The following DOCK4 variants were observed in gnomAD, a reference collection of about 807,000 sequenced individuals.
The protein encoded by DOCK4 is dedicator of cytokinesis protein 4.
A neutral mutation model predicts 268.1 loss-of-function variants in DOCK4; 97 were observed. The ratio of observed to expected loss-of-function variants is 0.36; its 90% CI spans 0.31 to 0.43. The LOEUF (loss-of-function observed/expected upper bound fraction) is 0.43. Among genes scored for constraint, DOCK4 ranks in the 20% least tolerant of loss-of-function variants. The pLI, the probability that DOCK4 is intolerant of heterozygous loss-of-function variation, is 1.00. For synonymous variants in DOCK4, 954 were observed against 887.2 expected (o/e 1.08, Z -1.34); for missense variants, 2,145 against 2,455.7 (o/e 0.87, Z 2.67).
At chr7:111,971,984 C>A in intron 8 of DOCK4, 1 of 159,984 alleles carries the variant, frequency 6.3e-6, no homozygotes. Flanking sequence ...CCTTCTTCCT[C>A]TTGGCCTTCT....
chr7:112,055,774 G>T (rs1805758907), intron 1 of DOCK4, among the ~76,000 whole-genome samples: 1 of 151,878 alleles, frequency 6.6e-6, no homozygotes, highest in Admixed American at 6.6e-5. Flanking sequence ...CAGGTGTGGT[G>T]GTGGGCGCCT....
chr7:111,768,530 T>C (rs1176804323), intron 37 of DOCK4, among the ~76,000 whole-genome samples: 2 of 152,212 alleles, frequency 1.3e-5, no homozygotes, highest in East Asian at 1.9e-4. Flanking sequence ...GTCTAAGACA[T>C]GTACCACCAA....
intron 15 of DOCK4, among the ~76,000 whole-genome samples, chr7:111,897,940 C>T (rs1019135723): frequency 6.6e-6 from 1 of 152,130 alleles, no homozygotes; most frequent in Non-Finnish European, 1.5e-5. Flanking sequence ...CTTTCAGATC[C>T]AATCTGTTAA....
intron 16 of DOCK4, 25 bp downstream of exon 16, chr7:111,895,587 A>G: frequency 1.2e-6 from 2 of 1,602,534 alleles, no homozygotes; most frequent in Non-Finnish European, 1.7e-6. Context: ...TTTACTGCCC[A>G]TCGCCACCAT....
At chr7:111,847,444 C>G (rs1804198651) in intron 23 of DOCK4, among the ~76,000 whole-genome samples, 1 of 151,802 alleles carries the variant, frequency 6.6e-6, no homozygotes, top group South Asian at 2.1e-4. Flanking sequence ...CGCCTACTGA[C>G]TTTCTACTAC....
chr7:112,023,432 G>C (rs1802511431), intron 1 of DOCK4: 1 of 292,858 alleles, frequency 3.4e-6, no homozygotes, highest in Non-Finnish European at 6.8e-6. Context: ...GAGCATCCAA[G>C]GCAGCCAGAC....
At chr7:111,816,741 C>T (rs966620814) in intron 27 of DOCK4, among the ~76,000 whole-genome samples, 1 of 152,138 alleles carries the variant, frequency 6.6e-6, no homozygotes, top group Non-Finnish European at 1.5e-5. Context: ...ACATTTGAGT[C>T]TATGCTTTGT....
chr7:111,936,485 A>AATGAATGGATGGATGGATGGATGGATGG (rs371416256), intron 11 of DOCK4, among the ~76,000 whole-genome samples: 1 of 148,052 alleles, frequency 6.8e-6, no homozygotes, highest in African/African-American at 2.6e-5. Context: ...CAGTGGTATG[A>AATGAATGGATGGATGGATGGATGGATGG]ATGGATGGAT....
At chr7:112,147,346 C>G (rs1433217168) in intron 1 of DOCK4, among the ~76,000 whole-genome samples, 9 of 152,046 alleles carry the variant, frequency 5.9e-5, no homozygotes, top group Admixed American at 5.9e-4. Flanking sequence ...CTACTAGTAC[C>G]AGAATAGACA....
intron 1 of DOCK4, among the ~76,000 whole-genome samples, chr7:112,018,104 G>A (rs1801977472): frequency 8.2e-6 from 1 of 121,464 alleles, no homozygotes; most frequent in Non-Finnish European, 1.6e-5. Context: ...CAGGAGAATG[G>A]TGTGAACCCA....
intron 12 of DOCK4, among the ~76,000 whole-genome samples, chr7:111,916,743 C>A (rs1040290713): frequency 1.6e-4 from 25 of 151,908 alleles, no homozygotes; most frequent in African/African-American, 6.0e-4. Context: ...TCTCTTTCAG[C>A]TTTTTCATTC....
intron 1 of DOCK4, among the ~76,000 whole-genome samples, chr7:112,145,310 C>A (rs960451644): frequency 6.6e-6 from 1 of 152,192 alleles, no homozygotes; most frequent in Non-Finnish European, 1.5e-5. Context: ...TTTGTTGTAA[C>A]TTGCCACGTC....
intron 12 of DOCK4, among the ~76,000 whole-genome samples, chr7:111,933,541 C>G (rs545084904): frequency 3.3e-4 from 50 of 151,896 alleles, no homozygotes; most frequent in Admixed American, 2.9e-3. Context: ...GTGATCCACC[C>G]GCCTTGGCCT....
chr7:112,111,038 A>G (rs1811602777), intron 1 of DOCK4, among the ~76,000 whole-genome samples: 1 of 152,172 alleles, frequency 6.6e-6, no homozygotes, highest in African/African-American at 2.4e-5. Flanking sequence ...CGTGCGGGTG[A>G]CCTACATCAG....
chr7:111,861,147 G>A (rs1217663524), intron 23 of DOCK4, among the ~76,000 whole-genome samples: 1 of 152,130 alleles, frequency 6.6e-6, no homozygotes, highest in Non-Finnish European at 1.5e-5. Flanking sequence ...CACAGTACCT[G>A]TTCCCAACCC....
intron 8 of DOCK4, among the ~76,000 whole-genome samples, chr7:111,970,102 C>G (rs1797588271): frequency 6.6e-6 from 1 of 152,162 alleles, no homozygotes; most frequent in African/African-American, 2.4e-5. Flanking sequence ...TCAAGTCCCT[C>G]CCACTCTAGT....
At chr7:111,979,022 C>T (rs1416460193) in intron 7 of DOCK4, among the ~76,000 whole-genome samples, 1 of 152,154 alleles carries the variant, frequency 6.6e-6, no homozygotes, top group Non-Finnish European at 1.5e-5. Context: ...ATTTCAATTT[C>T]ATTGTAACAG....
At chr7:112,078,371 C>A (rs955447019) in intron 1 of DOCK4, among the ~76,000 whole-genome samples, 1 of 152,124 alleles carries the variant, frequency 6.6e-6, no homozygotes, top group Admixed American at 6.6e-5. Context: ...AAATGGTTTA[C>A]AATTCCCCCA....
chr7:112,084,897 T>C (rs1461445872), intron 1 of DOCK4, among the ~76,000 whole-genome samples: 1 of 152,082 alleles, frequency 6.6e-6, no homozygotes, highest in African/African-American at 2.4e-5. Context: ...AAGGAAGGTA[T>C]TATTACCATG....
Sources: allele counts gnomAD v4.1 joint callset (sites outside exome capture counted in the v4.1 genomes callset), GRCh38; gene constraint gnomAD v4.1.1; transcripts MANE v1.5; gene names NCBI Gene and HGNC (gene_info 2026-07-23, HGNC 2026-07-21).